BFAR: variants seen among roughly 807,000 people sequenced by gnomAD.
The protein encoded by BFAR is RING finger protein 47.
In BFAR, 52 loss-of-function variants were observed where a neutral mutation model predicts 54.4. That is an observed-to-expected ratio of 0.96 (90% CI 0.77 to 1.21). The LOEUF is 1.21. BFAR is among the 50% of genes most tolerant of loss of function. The pLI, the probability that BFAR is intolerant of heterozygous loss-of-function variation, is 0.00. For missense variants in BFAR, 571 were observed against 534.0 expected (o/e 1.07, Z -0.68); for synonymous variants, 215 against 204.3 (o/e 1.05, Z -0.45).
At chr16:14,651,001 C>CT (rs1383830272) in intron 4 of BFAR, among the ~76,000 whole-genome samples, 8 of 152,158 alleles carry the variant, frequency 5.3e-5, no homozygotes, top group Non-Finnish European at 7.3e-5. Flanking sequence ...AAAATTCTCT[C>CT]TAATCACAAG....
chr16:14,639,533 C>CCTA (rs1431111915), intron 1 of BFAR, among the ~76,000 whole-genome samples: 1 of 152,102 alleles, frequency 6.6e-6, no homozygotes, highest in African/African-American at 2.4e-5. Context: ...GTCTCGAATT[C>CCTA]CTAACCTCAG....
chr16:14,661,419 T>TG (rs1960284511), intron 5 of BFAR, among the ~76,000 whole-genome samples: 1 of 146,214 alleles, frequency 6.8e-6, no homozygotes, highest in Non-Finnish European at 1.5e-5. Context: ...TTTTTTTTTT[T>TG]GAGCTGGAAT....
intron 1 of BFAR, among the ~76,000 whole-genome samples, chr16:14,637,820 C>A (rs1959499738): frequency 6.6e-6 from 1 of 150,674 alleles, no homozygotes; most frequent in African/African-American, 2.5e-5. Context: ...CAGAGCAAGA[C>A]TCCATCTCAG....
intron 1 of BFAR, among the ~76,000 whole-genome samples, chr16:14,638,709 G>A (rs1959529772): frequency 1.3e-5 from 2 of 152,184 alleles, no homozygotes; most frequent in Non-Finnish European, 2.9e-5. Flanking sequence ...ACTTTGGGAG[G>A]CCAAGATGGG....
chr16:14,649,584 C>A (rs1272373899), intron 3 of BFAR, among the ~76,000 whole-genome samples: 1 of 152,204 alleles, frequency 6.6e-6, no homozygotes, highest in African/African-American at 2.4e-5. Context: ...TGTGCCCTCA[C>A]TGCCACGCAA....
In BFAR at chr16:14,648,372, T is replaced by C. The variant is rs1189388319; in HGVS notation, c.264-16T>C. 6.3e-7 allele frequency: 1 copy of C among 1,595,500 alleles called. No individual in the cohort carries two copies. Among genetic ancestry groups the C allele is most frequent in the East Asian group, 2.2e-5 (1 of 44,802 alleles). The stretch of plus-strand genomic sequence containing the variant: ...GTCAAACAACTGTCTTAATTTTTTT[T>C]TTCTATTCTCCATAGGGATGCCATT... On this transcript the variant is annotated splice_polypyrimidine_tract_variant and intron_variant, in intron 2 of 7. Coordinates refer to ENST00000261658, the MANE Select transcript of BFAR (RefSeq NM_016561.3).
intron 5 of BFAR, among the ~76,000 whole-genome samples, chr16:14,658,719 C>T (rs1418741775): frequency 1.3e-5 from 2 of 150,554 alleles, no homozygotes; most frequent in African/African-American, 2.4e-5. Context: ...GGTGGCAGAC[C>T]GAGACTCCAT....
Position 14,641,858 on chromosome 16 carries a change from A to G in BFAR, c.-73-2416A>G, listed in dbSNP as rs1351333910. 2.8e-4 allele frequency among the ~76,000 whole-genome samples: 43 copies of G among 152,322 alleles called. 1 individual carries two copies. The highest frequency in any genetic ancestry group is 2.7e-3 in the Admixed American group (42 of 15,298). On this transcript the variant is annotated intron_variant, in intron 1 of 7. Transcript: ENST00000261658. ...GCCTGGGCAAAAAGAGCAAAACTCT[A>G]TCACTAAAATAAAATAAAAATCAAG...
chr16:14,661,771 T>C, intron 5 of BFAR, 121 bp from the exon 6 acceptor site: 1 of 1,072,872 alleles, frequency 9.3e-7, no homozygotes, highest in East Asian at 2.4e-5. Flanking sequence ...CGTTCATTCA[T>C]TCATGCATTG....
intron 1 of BFAR, among the ~76,000 whole-genome samples, chr16:14,642,420 A>C (rs1295327849): frequency 6.6e-6 from 1 of 152,052 alleles, no homozygotes. Flanking sequence ...TAAGAGTCCA[A>C]CTCCAAGATC....
intron 4 of BFAR, among the ~76,000 whole-genome samples, chr16:14,654,131 C>A (rs1175655531): frequency 1.3e-5 from 2 of 151,422 alleles, no homozygotes; most frequent in Non-Finnish European, 2.9e-5. Context: ...TCTGCCTCAG[C>A]CTCCCGAGTA....
chr16:14,652,782 C>T (rs1272511198), intron 4 of BFAR, among the ~76,000 whole-genome samples: 1 of 151,998 alleles, frequency 6.6e-6, no homozygotes, highest in Non-Finnish European at 1.5e-5. Flanking sequence ...TGTATGTATA[C>T]ATGTATATAT....
rs1295639386 is a variant in BFAR at position 14,659,225 on chromosome 16, G to GTTTT, written c.784-2662_784-2659dup. Among the ~76,000 whole-genome samples, 432 of 141,256 alleles carry GTTTT rather than the reference G, an allele frequency of 3.1e-3. 6 individuals carry two copies. Among genetic ancestry groups the GTTTT allele is most frequent in the Non-Finnish European group, 4.6e-3 (296 of 64,214 alleles). The allele number at this position is 141,256 out of a possible 152,430, so 92.7% of individuals were successfully genotyped here. A position where few individuals can be genotyped will look rare whatever the true frequency, so the allele number is the denominator to read the frequency against. On this transcript the variant is annotated intron_variant, in intron 5 of 7. Coordinates refer to ENST00000261658, the MANE Select transcript of BFAR (RefSeq NM_016561.3). ...TGCCCAGCCTGTAGTATGCAATTTG[G>GTTTT]TTTTTTTTGTTTTTTTTTGTTTTTT... is the stretch of plus-strand genomic sequence containing the variant.
intron 3 of BFAR, among the ~76,000 whole-genome samples, chr16:14,649,432 C>A (rs1959901747): frequency 6.6e-6 from 1 of 152,138 alleles, no homozygotes; most frequent in African/African-American, 2.4e-5. Context: ...AATGTGGAGA[C>A]TATTTTCTTT....
At chr16:14,665,645 G>A (rs1165662421) in intron 7 of BFAR, among the ~76,000 whole-genome samples, 1 of 152,118 alleles carries the variant, frequency 6.6e-6, no homozygotes, top group East Asian at 1.9e-4. Flanking sequence ...CGGGATCTAT[G>A]GTAAGTAAGA....
At chr16:14,655,029 A>G in intron 4 of BFAR, 37 bp from the exon 5 acceptor site, 1 of 1,572,050 alleles carries the variant, frequency 6.4e-7, no homozygotes, top group Non-Finnish European at 8.6e-7. Context: ...CTTCCAGTAT[A>G]TAATCGCAAA....
intron 1 of BFAR, among the ~76,000 whole-genome samples, chr16:14,637,958 A>C (rs1247972821): frequency 6.6e-6 from 1 of 152,070 alleles, no homozygotes; most frequent in Non-Finnish European, 1.5e-5. Flanking sequence ...TGGAAAAATA[A>C]GGTGATAAAT....
At chr16:14,646,943 T>C (rs1412445003) in intron 2 of BFAR, among the ~76,000 whole-genome samples, 1 of 152,106 alleles carries the variant, frequency 6.6e-6, no homozygotes, top group Non-Finnish European at 1.5e-5. Context: ...TTAAATACTT[T>C]TTTTTAACTT....
intron 1 of BFAR, among the ~76,000 whole-genome samples, chr16:14,638,529 T>C (rs1053833866): frequency 3.3e-5 from 5 of 152,246 alleles, no homozygotes; most frequent in Non-Finnish European, 7.3e-5. Flanking sequence ...CATGATCATA[T>C]ACTGCTGAAC....
Sources: allele counts gnomAD v4.1 joint callset (sites outside exome capture counted in the v4.1 genomes callset), GRCh38; gene constraint gnomAD v4.1.1; transcripts MANE v1.5; gene names NCBI Gene and HGNC (gene_info 2026-07-23, HGNC 2026-07-21).